FOCAD: variants seen among roughly 807,000 people sequenced by gnomAD.
FOCAD encodes focadhesin, also known as KIAA1797.
A neutral mutation model predicts 225.6 loss-of-function variants in FOCAD; 198 were observed. The observed-to-expected ratio is 0.88, with a 90% CI of 0.78 to 0.99. FOCAD has a LOEUF of 0.99. Among genes scored for constraint, FOCAD ranks in the 50% least tolerant of loss-of-function variants. The probability of loss-of-function intolerance (pLI) is 0.00; values close to 1 mark genes in which losing one functional copy is unlikely to be tolerated. For synonymous variants in FOCAD, 897 were observed against 755.0 expected (o/e 1.19, Z -3.08); for missense variants, 2,713 against 2,123.6 (o/e 1.28, Z -5.46).
chr9:20,746,761 A>T (rs941069628), intron 5 of FOCAD, among the ~76,000 whole-genome samples: 3 of 152,220 alleles, frequency 2.0e-5, no homozygotes, highest in Admixed American at 2.0e-4. Context: ...TGTTGTCTCA[A>T]TAATGTCCTG....
upstream of FOCAD, among the ~76,000 whole-genome samples, chr9:20,656,870 T>C (rs1385771799): frequency 6.6e-6 from 1 of 152,094 alleles, no homozygotes; most frequent in African/African-American, 2.4e-5. Context: ...TTCTTCCTAG[T>C]CTTGATGGTC....
intron 5 of FOCAD, among the ~76,000 whole-genome samples, chr9:20,757,060 G>A (rs901174981): frequency 2.6e-5 from 4 of 152,132 alleles, no homozygotes; most frequent in African/African-American, 9.7e-5. Context: ...CTCCTGAGTA[G>A]CTGGGATTAC....
At chr9:20,889,935 G>A (rs10811421) in intron 21 of FOCAD, among the ~76,000 whole-genome samples, 92,254 of 151,848 alleles carry the variant, frequency 0.61, 28,249 homozygotes, top group Admixed American at 0.69. Flanking sequence ...GTTAAAGTTC[G>A]TAAGTATTAC....
At chr9:20,935,588 T>C (rs1157708607) in intron 28 of FOCAD, among the ~76,000 whole-genome samples, 1 of 152,130 alleles carries the variant, frequency 6.6e-6, no homozygotes, top group African/African-American at 2.4e-5. Context: ...TTAGTAGAGA[T>C]GGGGTTTCAC....
At chr9:20,918,671 C>G (rs1834084946) in intron 24 of FOCAD, among the ~76,000 whole-genome samples, 2 of 149,786 alleles carry the variant, frequency 1.3e-5, no homozygotes, top group Admixed American at 1.3e-4. Context: ...TTGCAGTGAG[C>G]AGAGATCCCG....
chr9:20,704,467 A>G (rs1461499387), intron 1 of FOCAD, among the ~76,000 whole-genome samples: 1 of 152,230 alleles, frequency 6.6e-6, no homozygotes, highest in Non-Finnish European at 1.5e-5. Flanking sequence ...AATGTTGCCA[A>G]TAAACTTGTA....
intron 35 of FOCAD, 47 bp from the exon 36 acceptor site, chr9:20,976,373 T>C: frequency 6.3e-7 from 1 of 1,588,686 alleles, no homozygotes; most frequent in Non-Finnish European, 8.6e-7. Context: ...TCCACTTCCA[T>C]GATAGTATGC....
chr9:20,896,135 T>C (rs1424043694), intron 21 of FOCAD, among the ~76,000 whole-genome samples: 1 of 151,948 alleles, frequency 6.6e-6, no homozygotes, highest in Non-Finnish European at 1.5e-5. Context: ...TGATTTTTCT[T>C]CTTTACCCTG....
intron 10 of FOCAD, among the ~76,000 whole-genome samples, chr9:20,782,511 G>A (rs1433518492): frequency 2.0e-5 from 3 of 152,262 alleles, no homozygotes; most frequent in Middle Eastern, 3.4e-3. Flanking sequence ...CGCTTTTTCA[G>A]TCTTGCTTTT....
In FOCAD at chr9:20,658,379, C is replaced by G. The variant is rs552360688; in HGVS notation, c.-294C>G. 1.4e-3 allele frequency: 235 copies of G among 171,540 alleles called. 2 individuals are homozygous for G. The highest frequency in any genetic ancestry group is 3.5e-3 in the East Asian group (20 of 5,688). The allele number at this position is 171,540 out of a possible 1,614,324, so 10.6% of individuals were successfully genotyped here. On this transcript the variant is annotated 5_prime_UTR_variant, in exon 1 of 46. Coordinates refer to the FOCAD transcript ENST00000380249. ...ATGGCGGGCGCCCCTCCCGCAGCCT[C>G]GCTGCCGCCTTGCAGGTTGATCTCA...
At chr9:20,774,006 G>A (rs1184230908) in intron 8 of FOCAD, among the ~76,000 whole-genome samples, 1 of 152,176 alleles carries the variant, frequency 6.6e-6, no homozygotes, top group Non-Finnish European at 1.5e-5. Context: ...CAGATCAGCC[G>A]ATGCATTAGA....
intron 22 of FOCAD, among the ~76,000 whole-genome samples, chr9:20,910,040 CT>C (rs1315814412): frequency 6.6e-6 from 1 of 152,094 alleles, no homozygotes; most frequent in Non-Finnish European, 1.5e-5. Flanking sequence ...AGTCTGAGAT[CT>C]GAACACTACT....
chr9:20,845,803 CATT>C (rs1187500031), intron 15 of FOCAD, among the ~76,000 whole-genome samples: 1 of 151,900 alleles, frequency 6.6e-6, no homozygotes, highest in Non-Finnish European at 1.5e-5. Flanking sequence ...TTTTGGAAAA[CATT>C]GTTGACCATT....
intron 11 of FOCAD, among the ~76,000 whole-genome samples, chr9:20,818,250 A>C (rs1000526943): frequency 6.6e-6 from 1 of 151,988 alleles, no homozygotes; most frequent in African/African-American, 2.4e-5. Flanking sequence ...GGGTTTTAAG[A>C]GTTCTTTATA....
In FOCAD at chr9:20,714,150, A is replaced by T. The variant is rs561282099; in HGVS notation, c.-32-1172A>T. On this transcript the variant is annotated intron_variant, in intron 1 of 43. Coordinates refer to ENST00000338382, the MANE Select transcript of FOCAD (RefSeq NM_001375567.1). The stretch of plus-strand genomic sequence containing the variant: ...TTTTGGATTTGGATTTAAAAAAAAA[A>T]TTTTTTTTTGGACTATTTGCATATA... Among the ~76,000 whole-genome samples the T allele has an allele frequency of 4.6e-4, 70 of 151,676 alleles. 1 individual carries two copies. The highest frequency in any genetic ancestry group is 4.6e-3 in the South Asian group (22 of 4,802).
intron 1 of FOCAD, among the ~76,000 whole-genome samples, chr9:20,703,555 A>G (rs971756098): frequency 6.6e-6 from 1 of 152,036 alleles, no homozygotes; most frequent in African/African-American, 2.4e-5. Context: ...AATCTTATGT[A>G]TATTCTAACC....
Position 20,741,627 on chromosome 9 carries a change from A to G in FOCAD, c.392+1287A>G, listed in dbSNP as rs79712519. ...GGAAAATTATTTATTTGAAAATACT[A>G]TGAAAACTTGAGGTCTGCAGAGTAA... On this transcript the variant is annotated intron_variant, in intron 5 of 43. Transcript: ENST00000338382. Among the ~76,000 whole-genome samples the G allele has an allele frequency of 6.3e-4, 95 of 151,126 alleles. No homozygotes were observed. In the East Asian group the frequency reaches 0.014, roughly 22 times the overall value.
intron 15 of FOCAD, among the ~76,000 whole-genome samples, chr9:20,838,580 A>G (rs572142917): frequency 3.3e-5 from 5 of 152,284 alleles, no homozygotes; most frequent in Non-Finnish European, 7.4e-5. Context: ...TGTAACCTCA[A>G]TAGGAGTGCA....
At chr9:20,735,763 T>C (rs1345951120) in intron 4 of FOCAD, among the ~76,000 whole-genome samples, 1 of 151,386 alleles carries the variant, frequency 6.6e-6, no homozygotes, top group Non-Finnish European at 1.5e-5. Context: ...CCTCAAGTGA[T>C]CTTCTGGCTT....
Sources: allele counts gnomAD v4.1 joint callset (sites outside exome capture counted in the v4.1 genomes callset), GRCh38; gene constraint gnomAD v4.1.1; transcripts MANE v1.5; gene names NCBI Gene and HGNC (gene_info 2026-07-23, HGNC 2026-07-21).